The following FHIT variants were observed in gnomAD, a reference collection of about 807,000 sequenced individuals.
FHIT encodes the protein fragile histidine triad diadenosine triphosphatase, also known as bis(5'-adenosyl)-triphosphatase.
A neutral mutation model predicts 17.9 loss-of-function variants in FHIT; 19 were observed. The ratio of observed to expected loss-of-function variants is 1.06; its 90% confidence interval spans 0.74 to 1.56. FHIT has a LOEUF of 1.56. Among genes scored for constraint, FHIT ranks in the 40% most tolerant of loss-of-function variants. FHIT has a pLI of 0.00. For missense variants in FHIT, 248 were observed against 189.2 expected (o/e 1.31, Z -1.82); for synonymous variants, 81 against 69.7 (o/e 1.16, Z -0.81).
intron 5 of FHIT, among the ~76,000 whole-genome samples, chr3:60,074,114 C>T (rs1279623411): frequency 1.3e-5 from 2 of 152,020 alleles, no homozygotes; most frequent in African/African-American, 4.8e-5. Flanking sequence ...TGGAGGGTGA[C>T]AGACACATGG....
intron 2 of FHIT, among the ~76,000 whole-genome samples, chr3:61,043,224 G>A (rs943209190): frequency 6.6e-6 from 1 of 152,166 alleles, no homozygotes; most frequent in Admixed American, 6.5e-5. Flanking sequence ...TGTGACAAAT[G>A]GTACCTGGAA....
chr3:60,005,453 C>T (rs571529027), intron 7 of FHIT, among the ~76,000 whole-genome samples: 2 of 152,014 alleles, frequency 1.3e-5, no homozygotes, highest in South Asian at 2.1e-4. Flanking sequence ...TCACCAGGAG[C>T]GGGAGAGGGA....
At chr3:60,714,444 C>G (rs1191994360) in intron 4 of FHIT, among the ~76,000 whole-genome samples, 2 of 152,052 alleles carry the variant, frequency 1.3e-5, no homozygotes, top group African/African-American at 4.8e-5. Context: ...GGCAATTAGG[C>G]AGGAGGAGGA....
intron 5 of FHIT, among the ~76,000 whole-genome samples, chr3:60,497,782 A>G (rs941503866): frequency 1.3e-5 from 2 of 152,236 alleles, no homozygotes; most frequent in Non-Finnish European, 2.9e-5. Flanking sequence ...GATCTAGAAC[A>G]GTGGGCTTGC....
intron 4 of FHIT, among the ~76,000 whole-genome samples, chr3:60,785,980 A>G (rs1457895451): frequency 1.4e-5 from 2 of 141,360 alleles, no homozygotes; most frequent in African/African-American, 4.9e-5. Flanking sequence ...TTATCTACAG[A>G]GATAAAGACA....
chr3:60,281,308 A>G (rs1473035122), intron 5 of FHIT, among the ~76,000 whole-genome samples: 5 of 152,180 alleles, frequency 3.3e-5, no homozygotes, highest in African/African-American at 4.8e-5. Context: ...AAAATCCCAG[A>G]AAGTTATTCT....
intron 2 of FHIT, among the ~76,000 whole-genome samples, chr3:61,118,252 C>T (rs2036358463): frequency 6.6e-6 from 1 of 152,186 alleles, no homozygotes. Context: ...CACAAAAGGT[C>T]TCAACTTAAT....
chr3:60,936,369 GT>G (rs1490980001), intron 3 of FHIT, among the ~76,000 whole-genome samples: 19 of 152,108 alleles, frequency 1.2e-4, no homozygotes, highest in Admixed American at 7.9e-4. Context: ...ATAACAACAT[GT>G]TGTCATATTT....
intron 5 of FHIT, among the ~76,000 whole-genome samples, chr3:60,381,949 A>G (rs899764445): frequency 4.1e-5 from 6 of 147,484 alleles, no homozygotes; most frequent in Non-Finnish European, 7.5e-5. Flanking sequence ...GGTAACTACA[A>G]GTAGGTATTT....
chr3:60,330,405 T>A (rs1309949299), intron 5 of FHIT, among the ~76,000 whole-genome samples: 2 of 152,092 alleles, frequency 1.3e-5, no homozygotes, highest in African/African-American at 4.8e-5. Flanking sequence ...TCCAGCAGAG[T>A]CTTACTGCCA....
chr3:59,808,305 T>C (rs1364980679), intron 8 of FHIT, among the ~76,000 whole-genome samples: 1 of 152,186 alleles, frequency 6.6e-6, no homozygotes, highest in African/African-American at 2.4e-5. Context: ...AGGCCAAGGC[T>C]AGAAGTCCAC....
At chr3:59,940,256 G>A (rs1000034241) in intron 7 of FHIT, among the ~76,000 whole-genome samples, 7 of 152,124 alleles carry the variant, frequency 4.6e-5, no homozygotes, top group African/African-American at 7.2e-5. Context: ...CCGCTGCCAC[G>A]ATTATTAGTA....
intron 3 of FHIT, among the ~76,000 whole-genome samples, chr3:61,019,613 T>C (rs1397512845): frequency 6.6e-6 from 1 of 152,244 alleles, no homozygotes; most frequent in African/African-American, 2.4e-5. Context: ...ATTCATACTC[T>C]GTGTAATATA....
rs548008752 is a variant in FHIT, at chr3:61,214,358, A to G, written c.-212-13693T>C. 3.0e-4 allele frequency among the ~76,000 whole-genome samples: 46 copies of G among 152,362 alleles called. No homozygotes were observed. The East Asian group carries it at 5.0e-3, about 17-fold the overall frequency. On this transcript the variant is annotated intron_variant, in intron 1 of 9. Coordinates refer to ENST00000492590, the MANE Select transcript of FHIT (RefSeq NM_002012.4). The stretch of plus-strand genomic sequence containing the variant: ...CAATCCCATAGAAATACAAACTACC[A>G]TCAGAGAATACTACAAACACCTCTG...
At chr3:60,248,402 T>C (rs950901665) in intron 5 of FHIT, among the ~76,000 whole-genome samples, 2 of 152,106 alleles carry the variant, frequency 1.3e-5, no homozygotes, top group South Asian at 2.1e-4. Context: ...TAGCCTGCAT[T>C]TAATTGTATA....
chr3:60,956,415 A>G (rs1007490604), intron 3 of FHIT, among the ~76,000 whole-genome samples: 2 of 152,190 alleles, frequency 1.3e-5, no homozygotes, highest in Non-Finnish European at 2.9e-5. Context: ...CTTGGGCTGC[A>G]GGTTCTTGTG....
In FHIT at chr3:60,800,411, A is replaced by T. The variant is rs145524299; in HGVS notation, c.-18+21508T>A. On this transcript the variant is annotated intron_variant, in intron 4 of 9. Transcript: ENST00000492590. Reference sequence around the variant, plus strand: ...GCCAGCAGCATGGAGTGGAACCCCAAAACATATTGATATCATTGGCAGCCT... The same window carrying T: ...GCCAGCAGCATGGAGTGGAACCCCATAACATATTGATATCATTGGCAGCCT... Among the ~76,000 whole-genome samples the T allele has an allele frequency of 1.2e-3, 177 of 152,284 alleles. 1 individual carries two copies. Among genetic ancestry groups the T allele is most frequent in the African/African-American group, 3.9e-3 (164 of 41,562 alleles).
intron 5 of FHIT, among the ~76,000 whole-genome samples, chr3:60,344,733 T>G (rs1023070490): frequency 6.6e-5 from 10 of 152,002 alleles, no homozygotes; most frequent in African/African-American, 2.4e-4. Flanking sequence ...CTTTCAAGAT[T>G]TTTTTTTCTA....
chr3:60,035,099 T>C (rs1049515912), intron 5 of FHIT, among the ~76,000 whole-genome samples: 2 of 152,348 alleles, frequency 1.3e-5, no homozygotes, highest in Middle Eastern at 3.4e-3. Flanking sequence ...TCAAGCCATC[T>C]GCTTATGACG....
Sources: gnomAD v4.1 joint callset for allele counts (sites outside exome capture counted in the v4.1 genomes callset) on GRCh38, gnomAD v4.1.1 for gene constraint, MANE v1.5 for transcripts, NCBI Gene and HGNC (gene_info 2026-07-23, HGNC 2026-07-21) for gene names.